NFS1: variants seen among roughly 807,000 people sequenced by gnomAD.
NFS1 encodes NFS1 cysteine desulfurase.
NFS1 carries 26 observed loss-of-function variants against 57.3 expected under a neutral mutation model. The ratio of observed to expected loss-of-function variants is 0.45; its 90% CI spans 0.33 to 0.63. NFS1 has a LOEUF of 0.63. Among genes scored for constraint, NFS1 ranks in the 20% least tolerant of loss-of-function variants. The pLI is 0.02. For missense variants in NFS1, 505 were observed against 605.8 expected (o/e 0.83, Z 1.75); for synonymous variants, 209 against 216.3 (o/e 0.97, Z 0.30).
At chr20:35,698,179 AC>A (rs1268747440) in intron 2 of NFS1, among the ~76,000 whole-genome samples, 1 of 152,206 alleles carries the variant, frequency 6.6e-6, no homozygotes, top group Non-Finnish European at 1.5e-5. Context: ...TAGTCTTTTA[AC>A]CCGTTTAATA....
rs757680256 is a variant in NFS1, at chr20:35,697,695, G to A, written c.313C>T (p.Arg105Cys). ...YGWESEAAME[R>C]ARQQVASLIG... ...TCCTGTGTACTAACCTGACGAGCAC[G>A]TTCCATGGCTGCCTCACTCTCCCAG... The change falls in exon 3 of 13, where the codon CGT becomes TGT. Residue 105 changes from arginine to cysteine, a missense_variant. Coordinates refer to ENST00000374092, the MANE Select transcript of NFS1 (RefSeq NM_021100.5). The A allele has an allele frequency of 6.8e-6, 11 of 1,612,226 alleles. No individual in the cohort carries two copies. The highest frequency in any genetic ancestry group is 2.2e-5 in the East Asian group (1 of 44,860).
chr20:35,674,513 G>A lies in NFS1; in HGVS notation c.1053C>T (p.Pro351=), dbSNP rs763462869. ...VMNGDPKHHY[P]GCINLSFAYV... ...AGGATAGAAAGAGCAAGTCCATACC[G>A]GGATAATGGTGCTTAGGGTCCCCAT... The change falls in exon 9 of 13, where the codon CCC becomes CCT. Residue 351 remains proline (P), a splice_region_variant and synonymous_variant. Coordinates refer to ENST00000374092, the MANE Select transcript of NFS1 (RefSeq NM_021100.5). 2.7e-5 allele frequency: 44 copies of A among 1,613,112 alleles called. No individual in the cohort carries two copies. The highest frequency in any genetic ancestry group is 1.6e-4 in the Middle Eastern group (1 of 6,080).
At chr20:35,685,602 T>C (rs1217360515) in intron 5 of NFS1, among the ~76,000 whole-genome samples, 1 of 148,334 alleles carries the variant, frequency 6.7e-6, no homozygotes, top group Non-Finnish European at 1.5e-5. Context: ...CTCACGCCTG[T>C]AATCCCAGCA....
intron 3 of NFS1, 38 bp from the exon 4 acceptor site, chr20:35,696,498 C>G (rs375148517): frequency 6.6e-7 from 1 of 1,525,350 alleles, no homozygotes; most frequent in African/African-American, 1.4e-5. Context: ...ACATCAGTTC[C>G]CCAGGCAGAA....
At chr20:35,672,102 T>C (rs2034665447) in intron 12 of NFS1, among the ~76,000 whole-genome samples, 1 of 151,352 alleles carries the variant, frequency 6.6e-6, no homozygotes, top group Non-Finnish European at 1.5e-5. Context: ...GGACTACAGG[T>C]GCCCGCCACC....
intron 7 of NFS1, 53 bp from the exon 8 acceptor site, chr20:35,675,255 C>G: frequency 6.7e-7 from 1 of 1,491,456 alleles, no homozygotes. Context: ...GTAGATAAAA[C>G]AAAATATTTC....
At chr20:35,684,539 T>C (rs2034907094) in intron 5 of NFS1, among the ~76,000 whole-genome samples, 1 of 151,570 alleles carries the variant, frequency 6.6e-6, no homozygotes, top group African/African-American at 2.4e-5. Context: ...TCATTTGAGG[T>C]CAGGAGTTTG....
intron 6 of NFS1, 131 bp from the exon 7 acceptor site, chr20:35,681,002 A>C: frequency 1.5e-6 from 1 of 650,918 alleles, no homozygotes; most frequent in South Asian, 6.0e-5. Flanking sequence ...CCCTCCTTCT[A>C]CCCCTTCTCC....
chr20:35,698,516 G>C lies in NFS1; in HGVS notation c.172C>G (p.Pro58Ala), dbSNP rs766781670. ...GTAGCTTGCACATCCATATAGAGAG[G>C]TCGCAGCACTGGCCCCACCTCCGGG... ...AAPEVGPVLRPLYMDVQATTP... is the reference protein window; with the variant it reads ...AAPEVGPVLRALYMDVQATTP... The change falls in exon 2 of 13, where the codon CCT becomes GCT. Residue 58 changes from proline to alanine, a missense_variant. Coordinates refer to ENST00000374092, the MANE Select transcript of NFS1 (RefSeq NM_021100.5). The C allele has an allele frequency of 1.9e-6, 3 of 1,613,922 alleles. No homozygotes were observed. Among genetic ancestry groups the C allele is most frequent in the Middle Eastern group, 1.7e-4 (1 of 6,058 alleles).
chr20:35,693,441 C>T (rs1278800142), intron 4 of NFS1, among the ~76,000 whole-genome samples: 1 of 152,056 alleles, frequency 6.6e-6, no homozygotes, highest in African/African-American at 2.4e-5. Flanking sequence ...AAAAAACACA[C>T]CATATGTGAC....
rs189239945 is a variant in NFS1, at chr20:35,698,343, C to A, written c.207+138G>T. The A allele has an allele frequency of 1.2e-5, 8 of 670,546 alleles. No individual in the cohort carries two copies. In the African/African-American group the frequency reaches 1.5e-4, roughly 12 times the overall value. The allele number at this position is 670,546 out of a possible 1,614,324, so 41.5% of individuals were successfully genotyped here. ...CAATGCCAGTGGCCTCGAATTTAAG[C>A]CTCCCGACTCCTCGCTCAGTGCTTT... On this transcript the variant is annotated intron_variant, in intron 2 of 12. Transcript: ENST00000374092.
In NFS1 at chr20:35,674,514, G is replaced by C; in HGVS notation, c.1052C>G (p.Pro351Arg). 6.2e-7 allele frequency: 1 copy of C among 1,613,530 alleles called. No individual in the cohort carries two copies. The highest frequency in any genetic ancestry group is 8.5e-7 in the Non-Finnish European group (1 of 1,179,456). The change falls in exon 9 of 13, where the codon CCC becomes CGC. Residue 351 changes from proline to arginine, a missense_variant and splice_region_variant. Transcript: ENST00000374092. ...GGATAGAAAGAGCAAGTCCATACCGGGATAATGGTGCTTAGGGTCCCCATT... is the reference window on the plus strand; with the variant it reads ...GGATAGAAAGAGCAAGTCCATACCGCGATAATGGTGCTTAGGGTCCCCATT... The part of the protein sequence containing the change: ...VMNGDPKHHY[P>R]GCINLSFAYV...
chr20:35,680,074 A>C (rs1192658670), intron 7 of NFS1, among the ~76,000 whole-genome samples: 1 of 151,976 alleles, frequency 6.6e-6, no homozygotes, highest in African/African-American at 2.4e-5. Context: ...GGAGGCCGAG[A>C]CGGGCGGATC....
intron 5 of NFS1, among the ~76,000 whole-genome samples, chr20:35,684,174 G>A (rs539488289): frequency 1.4e-4 from 22 of 152,142 alleles, no homozygotes; most frequent in Non-Finnish European, 2.5e-4. Context: ...TTGGGAGGCC[G>A]AGGCGGGCGG....
chr20:35,681,884 T>C lies in NFS1; in HGVS notation c.655+4A>G, dbSNP rs779555625. ...AGGGATCAGGGATAAGCCATGATAC[T>C]CACCTATTTCTGCAATAGGCTGCTT... On this transcript the variant is annotated splice_donor_region_variant and intron_variant, in intron 6 of 12. Transcript: ENST00000374092. 5.7e-6 allele frequency: 9 copies of C among 1,570,328 alleles called. 1 individual carries two copies. Among genetic ancestry groups the C allele is most frequent in the Middle Eastern group, 1.7e-4 (1 of 5,972 alleles).
intron 8 of NFS1, 42 bp downstream of exon 8, chr20:35,675,003 C>T: frequency 6.2e-7 from 1 of 1,613,134 alleles, no homozygotes; most frequent in Non-Finnish European, 8.5e-7. Flanking sequence ...GGAGACCCAG[C>T]ACAGGGGAAG....
At chr20:35,687,657 T>C (rs900390395) in intron 5 of NFS1, among the ~76,000 whole-genome samples, 2 of 152,158 alleles carry the variant, frequency 1.3e-5, no homozygotes, top group African/African-American at 4.8e-5. Flanking sequence ...ATCTCTGTCT[T>C]GTGTCTTTAT....
intron 2 of NFS1, among the ~76,000 whole-genome samples, chr20:35,698,263 T>C (rs751058252): frequency 6.6e-6 from 1 of 152,254 alleles, no homozygotes; most frequent in Non-Finnish European, 1.5e-5. Flanking sequence ...ACTAATACTA[T>C]AGAGCCTGCG....
chr20:35,693,112 A>G (rs1333578943), intron 4 of NFS1, among the ~76,000 whole-genome samples: 1 of 151,782 alleles, frequency 6.6e-6, no homozygotes, highest in Admixed American at 6.6e-5. Flanking sequence ...ATTTTTGTTT[A>G]TTTATTTTTT....
Sources: gnomAD v4.1 joint callset for allele counts (sites outside exome capture counted in the v4.1 genomes callset) on GRCh38, gnomAD v4.1.1 for gene constraint, MANE v1.5 for transcripts, NCBI Gene and HGNC (gene_info 2026-07-23, HGNC 2026-07-21) for gene names.